DGKB: variants seen among roughly 807,000 people sequenced by gnomAD.
The protein encoded by DGKB is diacylglycerol kinase beta.
DGKB carries 67 observed loss-of-function variants against 114.3 expected under a neutral mutation model. That is an observed-to-expected ratio of 0.59 (90% confidence interval 0.48 to 0.72). The LOEUF is 0.72. Among genes scored for constraint, DGKB ranks in the 30% least tolerant of loss-of-function variants. The pLI, the probability that DGKB is intolerant of heterozygous loss-of-function variation, is 0.00. For synonymous variants in DGKB, 398 were observed against 323.1 expected (o/e 1.23, Z -2.49); for missense variants, 907 against 975.2 (o/e 0.93, Z 0.93).
At chr7:14,317,358 G>T (rs1806774691) in intron 23 of DGKB, among the ~76,000 whole-genome samples, 1 of 132,970 alleles carries the variant, frequency 7.5e-6, no homozygotes, top group African/African-American at 2.9e-5. Flanking sequence ...CCCGTTTGCA[G>T]ACGACATGAT....
intron 6 of DGKB, among the ~76,000 whole-genome samples, chr7:14,706,040 G>C (rs2129018942): frequency 6.6e-6 from 1 of 150,624 alleles, no homozygotes; most frequent in East Asian, 2.0e-4. Context: ...AAAGAGTCAA[G>C]ACCCATCAGT....
intron 23 of DGKB, among the ~76,000 whole-genome samples, chr7:14,278,889 G>C (rs924365610): frequency 6.6e-6 from 1 of 152,154 alleles, no homozygotes; most frequent in Non-Finnish European, 1.5e-5. Flanking sequence ...CAAGACGGCC[G>C]AATAGGAACA....
intron 20 of DGKB, among the ~76,000 whole-genome samples, chr7:14,532,833 G>C (rs992072045): frequency 9.9e-5 from 15 of 151,718 alleles, no homozygotes; most frequent in African/African-American, 3.6e-4. Context: ...TGCTGTTTTA[G>C]AGTGTCCATA....
intron 21 of DGKB, among the ~76,000 whole-genome samples, chr7:14,460,145 T>C (rs1406459109): frequency 6.6e-6 from 1 of 152,154 alleles, no homozygotes; most frequent in Non-Finnish European, 1.5e-5. Flanking sequence ...TGCAAAAGCA[T>C]ACCAAATTGT....
chr7:14,890,775 T>C (rs1781082337), intron 1 of DGKB, among the ~76,000 whole-genome samples: 1 of 151,142 alleles, frequency 6.6e-6, no homozygotes, highest in Admixed American at 6.6e-5. Context: ...ACTCCATGCT[T>C]GTTCTTGTCA....
chr7:14,147,989 C>G lies in DGKB; in HGVS notation c.*1142G>C, dbSNP rs1781661560. On this transcript the variant is annotated 3_prime_UTR_variant, in exon 26 of 26. Coordinates refer to ENST00000402815, the MANE Select transcript of DGKB (RefSeq NM_001350709.2). ...CATGCATGATTCGCTTCCAAGAGCT[C>G]AGTATTATTACAGGTACCCATTTAT... 6.6e-6 allele frequency: 1 copy of G among 152,000 alleles called. No homozygotes were observed. Among genetic ancestry groups the G allele is most frequent in the Non-Finnish European group, 1.5e-5 (1 of 67,982 alleles). 9.4% of individuals were successfully genotyped at this position (152,000 alleles called of 1,614,324 possible). A position where few individuals can be genotyped will look rare whatever the true frequency, so the allele number is the denominator to read the frequency against.
chr7:14,388,992 C>T (rs933719414), intron 21 of DGKB, among the ~76,000 whole-genome samples: 1 of 152,216 alleles, frequency 6.6e-6, no homozygotes, highest in Non-Finnish European at 1.5e-5. Context: ...AAAACAGTCA[C>T]TGCCCTTTCA....
chr7:14,745,316 A>C (rs1489914212), intron 4 of DGKB, among the ~76,000 whole-genome samples: 1 of 152,230 alleles, frequency 6.6e-6, no homozygotes, highest in Non-Finnish European at 1.5e-5. Flanking sequence ...GAGAGTTATG[A>C]CTGCCATATT....
At chr7:14,303,273 T>C (rs1803870073) in intron 23 of DGKB, among the ~76,000 whole-genome samples, 1 of 152,134 alleles carries the variant, frequency 6.6e-6, no homozygotes, top group Non-Finnish European at 1.5e-5. Flanking sequence ...GCGTTTCATT[T>C]TTACTTGAGG....
chr7:14,625,474 A>C (rs1348899157), intron 14 of DGKB, among the ~76,000 whole-genome samples: 1 of 151,988 alleles, frequency 6.6e-6, no homozygotes, highest in Non-Finnish European at 1.5e-5. Context: ...GCAGACCTCT[A>C]TTATGATATT....
At chr7:14,172,562 G>GTGTT (rs1781158498) in intron 25 of DGKB, among the ~76,000 whole-genome samples, 1 of 152,100 alleles carries the variant, frequency 6.6e-6, no homozygotes, top group Admixed American at 6.6e-5. Flanking sequence ...GAAACACCAG[G>GTGTT]TGTTTCAATG....
rs569133182 is a variant in DGKB, at chr7:14,930,973, C to T, written c.-188+43723G>A. Among the ~76,000 whole-genome samples, 4 of 152,132 alleles carry T rather than the reference C, an allele frequency of 2.6e-5. No homozygotes were observed. In the South Asian group the frequency reaches 8.3e-4, roughly 32 times the overall value. On this transcript the variant is annotated intron_variant, in intron 1 of 4. Coordinates refer to the DGKB transcript ENST00000437998. ...TGTCTATTGAGATTATCATATGATT[C>T]TGTCCTTAATTCTGTTTATGTGTTG...
intron 20 of DGKB, among the ~76,000 whole-genome samples, chr7:14,495,712 G>A (rs1376444282): frequency 6.6e-6 from 1 of 151,762 alleles, no homozygotes; most frequent in Non-Finnish European, 1.5e-5. Context: ...AGAGCTGCCT[G>A]TAGTGTCTCT....
At chr7:14,725,704 A>G (rs575901478) in intron 5 of DGKB, among the ~76,000 whole-genome samples, 3 of 151,888 alleles carry the variant, frequency 2.0e-5, no homozygotes, top group Admixed American at 6.6e-5. Context: ...CAGCCACCAC[A>G]TCCAGCTAAT....
intron 23 of DGKB, among the ~76,000 whole-genome samples, chr7:14,218,392 CA>C (rs370406290): frequency 5.9e-5 from 9 of 152,044 alleles, no homozygotes; most frequent in African/African-American, 2.2e-4. Flanking sequence ...AACCATCTTG[CA>C]AAAGCATTCA....
intron 23 of DGKB, among the ~76,000 whole-genome samples, chr7:14,247,371 A>G (rs1794637265): frequency 6.6e-6 from 1 of 152,152 alleles, no homozygotes; most frequent in African/African-American, 2.4e-5. Flanking sequence ...TGTACCCAGC[A>G]TTTAGATTGC....
intron 21 of DGKB, among the ~76,000 whole-genome samples, chr7:14,355,778 G>T (rs1814344676): frequency 6.6e-6 from 1 of 152,116 alleles, no homozygotes; most frequent in Non-Finnish European, 1.5e-5. Context: ...GTATCAGGAT[G>T]ATGCTGGCCT....
At chr7:14,192,215 T>TCCACCAAAAA in intron 23 of DGKB, 1 of 219,172 alleles carries the variant, frequency 4.6e-6, no homozygotes, top group South Asian at 6.7e-5. Context: ...TAAAGAAAAC[T>TCCACCAAAAA]CTAAAGACTC....
In DGKB at chr7:14,792,835, T is replaced by C. The variant is rs571322270; in HGVS notation, c.71-35104A>G. The stretch of plus-strand genomic sequence containing the variant: ...TTCAATCCACTTGAAGAAATGTATC[T>C]CATAATACTAGTCCCATAAAAGGAA... On this transcript the variant is annotated intron_variant, in intron 2 of 25. Coordinates refer to ENST00000402815, the MANE Select transcript of DGKB (RefSeq NM_001350709.2). 2.6e-4 allele frequency among the ~76,000 whole-genome samples: 40 copies of C among 152,260 alleles called. 1 individual carries two copies. The highest frequency in any genetic ancestry group is 4.4e-4 in the Non-Finnish European group (30 of 68,002).
Sources: gnomAD v4.1 joint callset for allele counts (sites outside exome capture counted in the v4.1 genomes callset) on GRCh38, gnomAD v4.1.1 for gene constraint, MANE v1.5 for transcripts, NCBI Gene and HGNC (gene_info 2026-07-23, HGNC 2026-07-21) for gene names.